TBC1D5: variants seen among roughly 807,000 people sequenced by gnomAD.
TBC1D5 encodes TBC1 domain family, member 5.
Under a neutral mutation model 100.3 loss-of-function variants are expected in TBC1D5, and 75 were observed. The ratio of observed to expected loss-of-function variants is 0.75; its 90% confidence interval spans 0.62 to 0.91. TBC1D5 has a LOEUF of 0.91. Ranked by LOEUF, TBC1D5 falls within the 40% of genes least tolerant of loss-of-function variation. TBC1D5 has a pLI of 0.00. For synonymous variants in TBC1D5, 323 were observed against 325.6 expected, an observed-to-expected ratio of 0.99 and a Z score of 0.09; for missense variants, 910 against 942.4, an observed-to-expected ratio of 0.97 and a Z score of 0.45.
chr3:17,407,370 T>C (rs370349768), intron 4 of TBC1D5, among the ~76,000 whole-genome samples: 1 of 152,254 alleles, frequency 6.6e-6, no homozygotes, highest in East Asian at 1.9e-4. Context: ...ATCACTTGAG[T>C]AGAGGCTACT....
intron 3 of TBC1D5, among the ~76,000 whole-genome samples, chr3:17,434,511 G>A (rs949872403): frequency 7.2e-5 from 11 of 152,098 alleles, no homozygotes; most frequent in African/African-American, 2.7e-4. Flanking sequence ...TCCAGGGCAC[G>A]GCCCAACCAT....
intron 16 of TBC1D5, among the ~76,000 whole-genome samples, chr3:17,239,565 T>G (rs982663935): frequency 6.6e-6 from 1 of 152,212 alleles, no homozygotes; most frequent in Non-Finnish European, 1.5e-5. Context: ...GTGGCCTATT[T>G]GCCATTGCCC....
intron 1 of TBC1D5, among the ~76,000 whole-genome samples, chr3:17,647,257 A>G (rs2065096675): frequency 6.6e-6 from 1 of 152,128 alleles, no homozygotes; most frequent in Admixed American, 6.6e-5. Context: ...TAGATAAACC[A>G]CAGAAAACAA....
chr3:17,455,225 A>ATTG (rs1433529744), intron 3 of TBC1D5, among the ~76,000 whole-genome samples: 3 of 131,744 alleles, frequency 2.3e-5, no homozygotes, highest in African/African-American at 9.9e-5. Context: ...CATATATATT[A>ATTG]TATATTGTAT....
chr3:17,300,933 G>A (rs1254668520), intron 14 of TBC1D5, among the ~76,000 whole-genome samples: 8 of 151,942 alleles, frequency 5.3e-5, no homozygotes, highest in Non-Finnish European at 8.8e-5. Flanking sequence ...TTAGCTGGGC[G>A]TGGTGGCATG....
At chr3:17,695,049 G>A (rs2071791687) in intron 1 of TBC1D5, among the ~76,000 whole-genome samples, 1 of 152,146 alleles carries the variant, frequency 6.6e-6, no homozygotes, top group African/African-American at 2.4e-5. Context: ...CAAATGCTGA[G>A]AGATTCTGTC....
At chr3:17,319,592 T>A (rs976450006) in intron 13 of TBC1D5, among the ~76,000 whole-genome samples, 9 of 152,198 alleles carry the variant, frequency 5.9e-5, no homozygotes, top group Non-Finnish European at 4.4e-5. Flanking sequence ...ACAGACATTT[T>A]TATGCAGGTA....
At chr3:17,741,279 G>A (rs139897966), upstream of TBC1D5, among the ~76,000 whole-genome samples, 534 of 152,284 alleles carry the variant, frequency 3.5e-3, 1 homozygote, top group African/African-American at 0.012. Flanking sequence ...TGATACTGCA[G>A]ATAGCTGTAA....
rs148758482 is a variant in TBC1D5 at position 17,551,469 on chromosome 3, G to C, written c.-35-42864C>G. On this transcript the variant is annotated intron_variant, in intron 2 of 21. Transcript: ENST00000253692. ...CAGCACAGCATGCTTCATTAACAGT[G>C]ACCAATCACGGATGAGCTGGGGATC... Among the ~76,000 whole-genome samples, 74 of 152,148 alleles carry C rather than the reference G, an allele frequency of 4.9e-4. 1 individual carries two copies. The highest frequency in any genetic ancestry group is 9.9e-4 in the Non-Finnish European group (67 of 67,968).
chr3:17,510,125 A>T (rs1162063900), intron 2 of TBC1D5, among the ~76,000 whole-genome samples: 2 of 152,026 alleles, frequency 1.3e-5, no homozygotes, highest in East Asian at 3.8e-4. Flanking sequence ...AAGTGGTAAA[A>T]GCAAGTCCAA....
chr3:17,179,629 T>C (rs1408208249), intron 19 of TBC1D5, among the ~76,000 whole-genome samples: 1 of 152,208 alleles, frequency 6.6e-6, no homozygotes, highest in Non-Finnish European at 1.5e-5. Flanking sequence ...TCACCCTTCC[T>C]GGGCCTTGGC....
chr3:17,629,099 C>T (rs1052139553), intron 1 of TBC1D5, among the ~76,000 whole-genome samples: 2 of 152,284 alleles, frequency 1.3e-5, no homozygotes, highest in East Asian at 3.9e-4. Context: ...TATCAAATAT[C>T]TATTTAGCTT....
intron 3 of TBC1D5, among the ~76,000 whole-genome samples, chr3:17,505,804 T>C (rs1352244422): frequency 6.6e-6 from 1 of 152,216 alleles, no homozygotes; most frequent in East Asian, 1.9e-4. Flanking sequence ...ACTTTGATCA[T>C]AGATCTTGGA....
chr3:17,345,512 C>T (rs1362964508), intron 13 of TBC1D5, among the ~76,000 whole-genome samples: 2 of 152,034 alleles, frequency 1.3e-5, no homozygotes, highest in Non-Finnish European at 2.9e-5. Flanking sequence ...GTCAGTGTGG[C>T]GATTCCTCAG....
chr3:17,202,249 A>G (rs1486319613), intron 18 of TBC1D5, among the ~76,000 whole-genome samples: 1 of 152,224 alleles, frequency 6.6e-6, no homozygotes, highest in Non-Finnish European at 1.5e-5. Flanking sequence ...TTTGAAATTG[A>G]GAATGACAAT....
chr3:17,514,208 A>C (rs2095952753), intron 2 of TBC1D5, among the ~76,000 whole-genome samples: 2 of 152,200 alleles, frequency 1.3e-5, no homozygotes, highest in Admixed American at 1.3e-4. Context: ...ATTGTATATC[A>C]AAGTAGTTTT....
intron 2 of TBC1D5, among the ~76,000 whole-genome samples, chr3:17,578,199 T>C (rs1484178747): frequency 1.3e-5 from 2 of 152,104 alleles, no homozygotes; most frequent in Non-Finnish European, 2.9e-5. Context: ...AGTACCGTTT[T>C]GTATCCCGAC....
At chr3:17,255,987 G>A (rs1006792872) in intron 16 of TBC1D5, among the ~76,000 whole-genome samples, 1 of 152,194 alleles carries the variant, frequency 6.6e-6, no homozygotes, top group Non-Finnish European at 1.5e-5. Context: ...AGTAAGCCGA[G>A]ATTGCGCCAC....
At chr3:17,559,112 A>AAATC (rs1234794095) in intron 2 of TBC1D5, among the ~76,000 whole-genome samples, 1 of 150,856 alleles carries the variant, frequency 6.6e-6, no homozygotes, top group Non-Finnish European at 1.5e-5. Flanking sequence ...ATAAATAAAT[A>AAATC]AATAAGACTT....
Sources: gnomAD v4.1 joint callset for allele counts (sites outside exome capture counted in the v4.1 genomes callset) on GRCh38, gnomAD v4.1.1 for gene constraint, MANE v1.5 for transcripts, NCBI Gene and HGNC (gene_info 2026-07-23, HGNC 2026-07-21) for gene names.